Variants in NXPE1 observed in about 807,000 individuals in gnomAD.
The protein encoded by NXPE1 is NXPE family member 1.
In NXPE1, 31 loss-of-function variants were observed where a neutral mutation model predicts 33.3. The observed-to-expected ratio is 0.93, with a 90% CI of 0.70 to 1.26. NXPE1 has a LOEUF of 1.26. Among genes scored for constraint, NXPE1 ranks in the 50% most tolerant of loss-of-function variants. NXPE1 has a pLI of 0.00. For missense variants in NXPE1, 661 were observed against 655.6 expected (o/e 1.01, Z -0.09); for synonymous variants, 229 against 231.4 (o/e 0.99, Z 0.09).
At chr11:114,523,132 C>T (rs1565295502) in intron 7 of NXPE1, 41 bp from the exon 8 acceptor site, 1 of 1,410,860 alleles carries the variant, frequency 7.1e-7, no homozygotes, top group Non-Finnish European at 1.0e-6. Flanking sequence ...ATTGGCAAAA[C>T]TTAGACATCT....
At chr11:114,528,792 G>T in intron 6 of NXPE1, 1 of 676,204 alleles carries the variant, frequency 1.5e-6, no homozygotes, top group Non-Finnish European at 2.7e-6. Context: ...GATATAAGTG[G>T]TACCTGATTT....
intron 7 of NXPE1, among the ~76,000 whole-genome samples, chr11:114,525,263 G>T (rs1200773707): frequency 6.6e-6 from 1 of 151,926 alleles, no homozygotes; most frequent in Non-Finnish European, 1.5e-5. Flanking sequence ...GCATAGACCT[G>T]CCCACTGAGA....
At chr11:114,528,750 G>C (rs1350999652) in intron 6 of NXPE1, 1 of 610,616 alleles carries the variant, frequency 1.6e-6, no homozygotes, top group South Asian at 1.9e-5. Context: ...GGGATTAAGG[G>C]GAGAATGAGG....
intron 1 of NXPE1, among the ~76,000 whole-genome samples, chr11:114,558,420 C>T (rs985655046): frequency 6.6e-6 from 1 of 152,028 alleles, no homozygotes; most frequent in African/African-American, 2.4e-5. Flanking sequence ...CAACATTTTA[C>T]TATGTGTAAT....
chr11:114,551,632 CTT>C (rs1948488938), intron 3 of NXPE1, among the ~76,000 whole-genome samples, 191 bp from the exon 4 acceptor site: 1 of 152,136 alleles, frequency 6.6e-6, no homozygotes, highest in Non-Finnish European at 1.5e-5. Context: ...TGTAAAATGC[CTT>C]TAAAGAAAGC....
At chr11:114,536,052 T>C (rs1000243684) in intron 5 of NXPE1, among the ~76,000 whole-genome samples, 2 of 152,110 alleles carry the variant, frequency 1.3e-5, no homozygotes, top group Non-Finnish European at 2.9e-5. Flanking sequence ...CCTCAGCAAA[T>C]GTAAAAGAAC....
chr11:114,530,411 G>A, exon 6 of NXPE1: 1 of 1,614,212 alleles, frequency 6.2e-7, no homozygotes, highest in South Asian at 1.1e-5. Context: ...TTTTATCATA[G>A]CCTTGGTTCC....
At chr11:114,534,650 G>A (rs185842626) in intron 5 of NXPE1, among the ~76,000 whole-genome samples, 14 of 152,354 alleles carry the variant, frequency 9.2e-5, no homozygotes, top group Admixed American at 9.1e-4. Flanking sequence ...ACAAGCTTCA[G>A]TAACCGATGT....
chr11:114,521,727 A>C, exon 9 of NXPE1: 2 of 434,640 alleles, frequency 4.6e-6, no homozygotes, highest in East Asian at 3.6e-5. Flanking sequence ...GCTTTTAAAA[A>C]ACTTTTTTAA....
chr11:114,532,746 A>T (rs1947631035), intron 5 of NXPE1, among the ~76,000 whole-genome samples: 1 of 152,182 alleles, frequency 6.6e-6, no homozygotes. Flanking sequence ...TACATATAAA[A>T]GTATATAGGT....
intron 7 of NXPE1, among the ~76,000 whole-genome samples, chr11:114,525,418 T>C (rs910959654): frequency 6.6e-6 from 1 of 152,068 alleles, no homozygotes; most frequent in Non-Finnish European, 1.5e-5. Flanking sequence ...GCTGACCCAC[T>C]CTAAGACCCA....
chr11:114,533,058 T>G (rs951305673), intron 5 of NXPE1, among the ~76,000 whole-genome samples: 2 of 152,164 alleles, frequency 1.3e-5, no homozygotes, highest in African/African-American at 4.8e-5. Flanking sequence ...TGAATTAATG[T>G]TCAACATAAC....
chr11:114,532,520 C>G (rs949918990), intron 5 of NXPE1, among the ~76,000 whole-genome samples: 5 of 152,116 alleles, frequency 3.3e-5, no homozygotes, highest in Non-Finnish European at 7.4e-5. Flanking sequence ...CCCACCTCCA[C>G]AAGTCACAGG....
At chr11:114,536,509 G>T (rs2135010854) in intron 5 of NXPE1, among the ~76,000 whole-genome samples, 1 of 152,026 alleles carries the variant, frequency 6.6e-6, no homozygotes. Flanking sequence ...TTTTTGAAAA[G>T]ATCAACAAAA....
intron 5 of NXPE1, among the ~76,000 whole-genome samples, chr11:114,549,821 G>GA (rs1948411846): frequency 1.3e-5 from 2 of 151,876 alleles, no homozygotes; most frequent in Non-Finnish European, 2.9e-5. Flanking sequence ...TTATTTATCT[G>GA]AAAAACCCCA....
intron 5 of NXPE1, among the ~76,000 whole-genome samples, chr11:114,545,442 GC>G (rs977888802): frequency 6.6e-6 from 1 of 152,176 alleles, no homozygotes; most frequent in African/African-American, 2.4e-5. Flanking sequence ...AATGCATAAT[GC>G]TAAGAGAAAG....
downstream of NXPE1, among the ~76,000 whole-genome samples, chr11:114,520,724 A>G (rs1947193501): frequency 6.6e-6 from 1 of 152,132 alleles, no homozygotes; most frequent in Non-Finnish European, 1.5e-5. Context: ...TCCCACCAAG[A>G]GTGTATGAGA....
At chr11:114,522,006 C>T (rs1232657439) in exon 9 of NXPE1, 5 of 1,613,110 alleles carry the variant, frequency 3.1e-6, no homozygotes, top group Non-Finnish European at 4.2e-6. Flanking sequence ...ATCTGATTTC[C>T]AATCACATGA....
intron 1 of NXPE1, 146 bp from the exon 2 acceptor site, chr11:114,553,026 T>C (rs1226313894): frequency 3.2e-5 from 6 of 187,770 alleles, no homozygotes; most frequent in Non-Finnish European, 6.0e-5. Flanking sequence ...CTGTGCTTCC[T>C]GAAATTCTTA....
Sources: gnomAD v4.1 joint callset for allele counts (sites outside exome capture counted in the v4.1 genomes callset) on GRCh38, gnomAD v4.1.1 for gene constraint, MANE v1.5 for transcripts, NCBI Gene and HGNC (gene_info 2026-07-23, HGNC 2026-07-21) for gene names.